Variants in LRFN5 observed in about 807,000 individuals in gnomAD.
LRFN5 encodes the protein leucine rich repeat and fibronectin type III domain containing 5.
In LRFN5, 24 loss-of-function variants were observed where a neutral mutation model predicts 45.6. That is an observed-to-expected ratio of 0.53 (90% CI 0.38 to 0.74). The LOEUF is 0.74. LRFN5 is among the 30% of genes least tolerant of loss of function. The pLI is 0.00. For missense variants in LRFN5, 776 were observed against 861.5 expected, an observed-to-expected ratio of 0.90 and a Z score of 1.24; for synonymous variants, 340 against 313.8, an observed-to-expected ratio of 1.08 and a Z score of -0.88.
chr14:41,867,758 A>G (rs965415714), intron 2 of LRFN5, among the ~76,000 whole-genome samples: 1 of 151,974 alleles, frequency 6.6e-6, no homozygotes, highest in African/African-American at 2.4e-5. Context: ...ATTTTTTGTC[A>G]CTTCTCACCT....
chr14:41,756,279 A>C (rs946538942), intron 1 of LRFN5, among the ~76,000 whole-genome samples: 4 of 151,986 alleles, frequency 2.6e-5, no homozygotes, highest in Non-Finnish European at 5.9e-5. Context: ...TCTTTGTGGC[A>C]TTCTCTGTAT....
chr14:41,867,371 G>A (rs1477028037), intron 2 of LRFN5, among the ~76,000 whole-genome samples: 1 of 152,020 alleles, frequency 6.6e-6, no homozygotes, highest in Non-Finnish European at 1.5e-5. Flanking sequence ...TGTGTGGAGG[G>A]TTATGTGTGT....
intron 1 of LRFN5, among the ~76,000 whole-genome samples, chr14:41,652,636 G>A (rs1389747983): frequency 6.6e-6 from 1 of 152,104 alleles, no homozygotes; most frequent in Non-Finnish European, 1.5e-5. Flanking sequence ...TGAGCTGGGA[G>A]TTCTGACCTA....
At chr14:41,638,391 G>T (rs1307766860) in intron 1 of LRFN5, among the ~76,000 whole-genome samples, 2 of 152,026 alleles carry the variant, frequency 1.3e-5, no homozygotes, top group Non-Finnish European at 2.9e-5. Flanking sequence ...TGTCAGAGGG[G>T]CAGCTGTGTG....
intron 1 of LRFN5, among the ~76,000 whole-genome samples, chr14:41,611,359 C>G (rs1446196733): frequency 6.6e-6 from 1 of 152,140 alleles, no homozygotes; most frequent in Non-Finnish European, 1.5e-5. Context: ...GGAGAGGGTA[C>G]AAGTTACTTT....
intron 2 of LRFN5, among the ~76,000 whole-genome samples, chr14:41,879,857 A>C (rs1402378737): frequency 1.5e-5 from 2 of 136,414 alleles, no homozygotes; most frequent in South Asian, 4.5e-4. Context: ...TATTCTTCTC[A>C]TTGGCAATTT....
chr14:41,624,342 A>G (rs1387530318), intron 1 of LRFN5, among the ~76,000 whole-genome samples: 8 of 152,164 alleles, frequency 5.3e-5, no homozygotes, highest in Non-Finnish European at 7.4e-5. Flanking sequence ...ATTAAAATCA[A>G]CAATAGATTG....
chr14:41,904,337 C>A lies in LRFN5; in HGVS notation c.*162C>A. 1.2e-6 allele frequency: 1 copy of A among 834,154 alleles called. No individual in the cohort carries two copies. The highest frequency in any genetic ancestry group is 1.9e-6 in the Non-Finnish European group (1 of 520,834). 51.7% of individuals were successfully genotyped at this position (834,154 alleles called of 1,614,324 possible). ...GTGAAAGTCTCTGATGACGGCGGAA[C>A]TGGCTCCATTAGACCATGGTTCATC... On this transcript the variant is annotated 3_prime_UTR_variant, in exon 6 of 6. Transcript: ENST00000298119.
chr14:41,832,206 A>G (rs975512570), intron 2 of LRFN5, among the ~76,000 whole-genome samples: 1 of 152,186 alleles, frequency 6.6e-6, no homozygotes, highest in Non-Finnish European at 1.5e-5. Flanking sequence ...GTGGTGACCC[A>G]GAACATTATT....
intron 1 of LRFN5, among the ~76,000 whole-genome samples, chr14:41,674,399 C>T (rs1477537418): frequency 2.1e-4 from 23 of 110,810 alleles, no homozygotes; most frequent in Middle Eastern, 8.1e-3. Context: ...ACCTCCCTCC[C>T]GGACGGGGCG....
Position 41,656,470 on chromosome 14 carries a change from G to A in LRFN5, c.-197+47908G>A, listed in dbSNP as rs188237027. Among the ~76,000 whole-genome samples, 8 of 151,978 alleles carry A rather than the reference G, an allele frequency of 5.3e-5. No individual in the cohort carries two copies. In the East Asian group the frequency reaches 1.4e-3, roughly 26 times the overall value. ...TATTTCACAGTTTGAGATTTATTGAGACCTGATCAGCTTTATTGAGCCACT... is the reference window on the plus strand; with the variant it reads ...TATTTCACAGTTTGAGATTTATTGAAACCTGATCAGCTTTATTGAGCCACT... On this transcript the variant is annotated intron_variant, in intron 1 of 5. Coordinates refer to ENST00000298119, the MANE Select transcript of LRFN5 (RefSeq NM_152447.5).
chr14:41,662,310 T>C (rs948971129), intron 1 of LRFN5, among the ~76,000 whole-genome samples: 3 of 152,166 alleles, frequency 2.0e-5, no homozygotes, highest in Non-Finnish European at 2.9e-5. Context: ...TGCTTATACA[T>C]ATTCAAATCC....
chr14:41,770,692 C>A (rs1333693960), intron 2 of LRFN5, among the ~76,000 whole-genome samples: 1 of 152,164 alleles, frequency 6.6e-6, no homozygotes, highest in Non-Finnish European at 1.5e-5. Context: ...GGACACAGTA[C>A]ACATAGCTGC....
Position 41,832,751 on chromosome 14 carries a change from C to T in LRFN5, c.-20-53855C>T, listed in dbSNP as rs112823283. Reference sequence around the variant, plus strand: ...CCAGTCCCACAATGTGTTATCACTCCGATAATACCATTACCGATTTTTCAA... The same window carrying T: ...CCAGTCCCACAATGTGTTATCACTCTGATAATACCATTACCGATTTTTCAA... On this transcript the variant is annotated intron_variant, in intron 2 of 5. Transcript: ENST00000298119. 9.8e-3 allele frequency among the ~76,000 whole-genome samples: 1,495 copies of T among 152,202 alleles called. 26 individuals are homozygous for T. Among genetic ancestry groups the T allele is most frequent in the African/African-American group, 0.034 (1,426 of 41,516 alleles).
At chr14:41,892,320 T>C (rs1379026902) in intron 4 of LRFN5, 2 of 959,722 alleles carry the variant, frequency 2.1e-6, no homozygotes, top group Non-Finnish European at 2.5e-6. Flanking sequence ...TATAACTATA[T>C]ATATGTATGT....
At chr14:41,757,091 T>G (rs1158984113) in intron 1 of LRFN5, among the ~76,000 whole-genome samples, 1 of 152,138 alleles carries the variant, frequency 6.6e-6, no homozygotes. Flanking sequence ...GAACAGCAAA[T>G]GTTGCTGCCT....
chr14:41,874,228 A>G lies in LRFN5; in HGVS notation c.-20-12378A>G, dbSNP rs183404562. ...TTCCTGTGACCATTGAAGCCTAATT[A>G]TCCTGCAATGAGATGCAGTAGAAAG... On this transcript the variant is annotated intron_variant, in intron 2 of 5. Transcript: ENST00000298119. Among the ~76,000 whole-genome samples the G allele has an allele frequency of 1.8e-3, 275 of 152,294 alleles. 1 individual carries two copies. The highest frequency in any genetic ancestry group is 3.2e-3 in the Non-Finnish European group (218 of 68,022).
chr14:41,650,135 C>A (rs1880024703), intron 1 of LRFN5, among the ~76,000 whole-genome samples: 1 of 151,876 alleles, frequency 6.6e-6, no homozygotes, highest in Non-Finnish European at 1.5e-5. Context: ...TGGCTCACAC[C>A]TGTAATCCCA....
At chr14:41,658,589 A>G (rs1248961734) in intron 1 of LRFN5, among the ~76,000 whole-genome samples, 1 of 151,932 alleles carries the variant, frequency 6.6e-6, no homozygotes, top group Non-Finnish European at 1.5e-5. Context: ...CTTATAATGC[A>G]CTTCATAGAA....
Sources: gnomAD v4.1 joint callset for allele counts (sites outside exome capture counted in the v4.1 genomes callset) on GRCh38, gnomAD v4.1.1 for gene constraint, MANE v1.5 for transcripts, NCBI Gene and HGNC (gene_info 2026-07-23, HGNC 2026-07-21) for gene names.